The following SNTG1 variants were observed in gnomAD, a reference collection of about 807,000 sequenced individuals.
SNTG1 encodes the protein gamma-1-syntrophin.
In SNTG1, 39 loss-of-function variants were observed where a neutral mutation model predicts 74.7. The observed-to-expected ratio is 0.52, with a 90% CI of 0.40 to 0.68. The LOEUF is 0.68. Among genes scored for constraint, SNTG1 ranks in the 30% least tolerant of loss-of-function variants. The pLI, the probability that SNTG1 is intolerant of heterozygous loss-of-function variation, is 0.00. For synonymous variants in SNTG1, 254 were observed against 217.1 expected (o/e 1.17, Z -1.49); for missense variants, 685 against 609.5 (o/e 1.12, Z -1.30).
intron 1 of SNTG1, among the ~76,000 whole-genome samples, chr8:49,979,514 C>G (rs558956373): frequency 3.9e-5 from 6 of 152,194 alleles, no homozygotes; most frequent in East Asian, 1.9e-4. Context: ...CACTTCCCCC[C>G]GATCCTCCTC....
intron 4 of SNTG1, among the ~76,000 whole-genome samples, chr8:50,409,850 G>A (rs951178204): frequency 3.9e-5 from 6 of 152,190 alleles, no homozygotes; most frequent in African/African-American, 9.7e-5. Context: ...AGTTTCAAAG[G>A]TGTTGCTAGT....
intron 1 of SNTG1, among the ~76,000 whole-genome samples, chr8:50,099,419 A>C (rs2080043538): frequency 6.6e-6 from 1 of 152,100 alleles, no homozygotes. Flanking sequence ...ACATATTCCC[A>C]TTATCTTAGC....
intron 1 of SNTG1, among the ~76,000 whole-genome samples, chr8:50,130,555 G>A (rs1466194148): frequency 6.6e-6 from 1 of 152,060 alleles, no homozygotes; most frequent in African/African-American, 2.4e-5. Context: ...CTTTCACAAT[G>A]CTAAAAGAAT....
Position 50,663,611 on chromosome 8 carries a change from T to C in SNTG1, c.1038+4948T>C, listed in dbSNP as rs573621485. Among the ~76,000 whole-genome samples, 170 of 152,290 alleles carry C rather than the reference T, an allele frequency of 1.1e-3. 3 individuals are homozygous for C. Among genetic ancestry groups the C allele is most frequent in the African/African-American group, 1.8e-3 (73 of 41,570 alleles). On this transcript the variant is annotated intron_variant, in intron 15 of 18. Transcript: ENST00000642720. ...GAGCTGTAACTCCCTAACACGGCACTGTAGTGGTGCATGGCTGGAAAAAAG... is the reference window on the plus strand; with the variant it reads ...GAGCTGTAACTCCCTAACACGGCACCGTAGTGGTGCATGGCTGGAAAAAAG...
chr8:50,783,112 G>T (rs1039402895), intron 18 of SNTG1, among the ~76,000 whole-genome samples: 4 of 152,024 alleles, frequency 2.6e-5, no homozygotes, highest in Admixed American at 6.6e-5. Context: ...AGTCTGGGGG[G>T]TGCCTCCCAG....
chr8:49,946,420 T>C (rs895509798), intron 1 of SNTG1, among the ~76,000 whole-genome samples: 2 of 152,186 alleles, frequency 1.3e-5, no homozygotes, highest in Admixed American at 6.5e-5. Flanking sequence ...ACGTGTATGG[T>C]GGTGGGATAT....
intron 1 of SNTG1, among the ~76,000 whole-genome samples, chr8:49,981,954 A>T (rs143255925): frequency 6.6e-6 from 1 of 152,132 alleles, no homozygotes; most frequent in African/African-American, 2.4e-5. Flanking sequence ...GGGTGTGAAT[A>T]TTATTAATTT....
chr8:50,173,380 C>T (rs2082878452), intron 2 of SNTG1, among the ~76,000 whole-genome samples: 1 of 152,122 alleles, frequency 6.6e-6, no homozygotes, highest in African/African-American at 2.4e-5. Flanking sequence ...TAGCTTATGT[C>T]CTTACAGTCC....
chr8:49,912,543 T>G (rs1805669649), intron 1 of SNTG1, among the ~76,000 whole-genome samples: 1 of 152,266 alleles, frequency 6.6e-6, no homozygotes, highest in Non-Finnish European at 1.5e-5. Context: ...ATAATTTTGT[T>G]GTCTTATGTA....
chr8:50,607,928 T>A (rs1050941861), intron 13 of SNTG1, among the ~76,000 whole-genome samples: 5 of 151,750 alleles, frequency 3.3e-5, no homozygotes, highest in Non-Finnish European at 5.9e-5. Flanking sequence ...TTCATGGTAG[T>A]TTCTTAATTT....
intron 2 of SNTG1, among the ~76,000 whole-genome samples, chr8:50,278,794 G>A (rs1247673563): frequency 6.6e-6 from 1 of 151,728 alleles, no homozygotes; most frequent in Non-Finnish European, 1.5e-5. Flanking sequence ...CTTTCAATTA[G>A]CCACAGTGTT....
chr8:50,755,195 T>C (rs920406421), intron 18 of SNTG1, among the ~76,000 whole-genome samples: 10 of 151,850 alleles, frequency 6.6e-5, no homozygotes, highest in African/African-American at 2.4e-4. Flanking sequence ...TAGTGGCAGT[T>C]ATCTGCCATT....
intron 1 of SNTG1, among the ~76,000 whole-genome samples, chr8:49,988,010 G>C (rs1813335829): frequency 6.6e-6 from 1 of 151,968 alleles, no homozygotes; most frequent in Admixed American, 6.6e-5. Context: ...AGGAAAGAAA[G>C]AGTCAAAAGA....
intron 8 of SNTG1, among the ~76,000 whole-genome samples, chr8:50,501,721 G>A (rs914273771): frequency 6.6e-6 from 1 of 151,182 alleles, no homozygotes; most frequent in Non-Finnish European, 1.5e-5. Context: ...GTCTCCCAAA[G>A]TGCTGGGATT....
At chr8:50,512,510 T>C (rs1389218194) in intron 9 of SNTG1, among the ~76,000 whole-genome samples, 1 of 152,202 alleles carries the variant, frequency 6.6e-6, no homozygotes, top group Admixed American at 6.5e-5. Flanking sequence ...CTGCAGAGTG[T>C]TTTCCAACTT....
At chr8:50,206,161 T>TA (rs2084225930) in intron 2 of SNTG1, among the ~76,000 whole-genome samples, 1 of 152,204 alleles carries the variant, frequency 6.6e-6, no homozygotes, top group Non-Finnish European at 1.5e-5. Context: ...CCTTGGGCAG[T>TA]ATGGCCATTT....
chr8:50,330,736 A>C (rs956830429), intron 2 of SNTG1, among the ~76,000 whole-genome samples: 2 of 152,208 alleles, frequency 1.3e-5, no homozygotes, highest in African/African-American at 4.8e-5. Context: ...CAATCATGGA[A>C]GAAGGGGAAG....
Position 50,794,288 on chromosome 8 carries a change from G to A in SNTG1, c.*1459G>A, listed in dbSNP as rs1046294288. The A allele has an allele frequency of 2.0e-5, 3 of 151,552 alleles. No individual in the cohort carries two copies. Among genetic ancestry groups the A allele is most frequent in the Admixed American group, 1.3e-4 (2 of 15,166 alleles). The allele number at this position is 151,552 out of a possible 1,614,324, so 9.4% of individuals were successfully genotyped here. On this transcript the variant is annotated 3_prime_UTR_variant, in exon 19 of 19. Coordinates refer to ENST00000642720, the MANE Select transcript of SNTG1 (RefSeq NM_018967.5). Reference sequence around the variant, plus strand: ...AACAAAGTGATTTCTATAAAGGACAGATTTACTAATTTAAAAAATTAATAT... The same window carrying A: ...AACAAAGTGATTTCTATAAAGGACAAATTTACTAATTTAAAAAATTAATAT...
At chr8:49,919,416 G>A (rs1487274688) in intron 1 of SNTG1, among the ~76,000 whole-genome samples, 2 of 152,030 alleles carry the variant, frequency 1.3e-5, no homozygotes, top group South Asian at 4.1e-4. Context: ...TACATTAAAG[G>A]ATAGAAAAGA....
Sources: gnomAD v4.1 joint callset for allele counts (sites outside exome capture counted in the v4.1 genomes callset) on GRCh38, gnomAD v4.1.1 for gene constraint, MANE v1.5 for transcripts, NCBI Gene and HGNC (gene_info 2026-07-23, HGNC 2026-07-21) for gene names.